SRGAP1: variants seen among roughly 807,000 people sequenced by gnomAD.
SRGAP1 encodes the protein SLIT-ROBO Rho GTPase-activating protein 1.
A neutral mutation model predicts 121.9 loss-of-function variants in SRGAP1; 43 were observed. The ratio of observed to expected loss-of-function variants is 0.35; its 90% CI spans 0.28 to 0.46. The LOEUF (loss-of-function observed/expected upper bound fraction) is 0.46. SRGAP1 is among the 20% of genes least tolerant of loss of function. The pLI is 1.00. For missense variants in SRGAP1, 1,102 were observed against 1,350.9 expected, an observed-to-expected ratio of 0.82 and a Z score of 2.89; for synonymous variants, 447 against 485.4, an observed-to-expected ratio of 0.92 and a Z score of 1.04.
rs1436400170 is a variant in SRGAP1, at chr12:64,145,577, A to G, written c.*2905A>G. Reference sequence around the variant, plus strand: ...GAGACTTTTTTTTTTTTTCAATTCCAAATGAAGGGTATGACCTCAGAGTGA... The same window carrying G: ...GAGACTTTTTTTTTTTTTCAATTCCGAATGAAGGGTATGACCTCAGAGTGA... On this transcript the variant is annotated 3_prime_UTR_variant, in exon 22 of 22. Transcript: ENST00000355086. 1.3e-5 allele frequency: 2 copies of G among 151,492 alleles called. No individual in the cohort carries two copies. Among genetic ancestry groups the G allele is most frequent in the African/African-American group, 4.9e-5 (2 of 41,202 alleles). 9.4% of individuals were successfully genotyped at this position (151,492 alleles called of 1,614,324 possible). A position where few individuals can be genotyped will look rare whatever the true frequency, so the allele number is the denominator to read the frequency against.
intron 1 of SRGAP1, among the ~76,000 whole-genome samples, chr12:63,859,671 CTAATA>C (rs1334107751): frequency 3.3e-5 from 5 of 152,072 alleles, no homozygotes; most frequent in African/African-American, 1.2e-4. Context: ...AACGCTATTA[CTAATA>C]TAAGTATTTA....
rs565690960 is a variant in SRGAP1 at position 64,128,197 on chromosome 12, T to C, written c.2877T>C (p.Ala959=). The change falls in exon 21 of 22, where the codon GCT becomes GCC. Residue 959 remains alanine, a synonymous_variant. Transcript: ENST00000355086. Reference sequence around the variant, plus strand: ...AGCCACTGGACCCAGAGACAATTGCTCAGGTACGATGCTTTTAATTACATA... The same window carrying C: ...AGCCACTGGACCCAGAGACAATTGCCCAGGTACGATGCTTTTAATTACATA... ...DHKPLDPETI[A]QDIEETMNTA... 2 of 1,605,596 alleles carry C rather than the reference T, an allele frequency of 1.2e-6. No individual in the cohort carries two copies. Among genetic ancestry groups the C allele is most frequent in the East Asian group, 2.2e-5 (1 of 44,642 alleles).
chr12:63,963,824 T>A (rs569612164), intron 1 of SRGAP1, among the ~76,000 whole-genome samples: 1 of 152,308 alleles, frequency 6.6e-6, no homozygotes, highest in South Asian at 2.1e-4. Flanking sequence ...ATAATAGTAT[T>A]CAGTATTTCA....
intron 1 of SRGAP1, among the ~76,000 whole-genome samples, chr12:63,881,595 G>T (rs571435596): frequency 6.6e-6 from 1 of 152,164 alleles, no homozygotes; most frequent in African/African-American, 2.4e-5. Context: ...GAGGCCTAAG[G>T]TATTGTGCAG....
intron 1 of SRGAP1, among the ~76,000 whole-genome samples, chr12:63,974,078 G>A (rs565998881): frequency 6.6e-6 from 1 of 152,170 alleles, no homozygotes; most frequent in African/African-American, 2.4e-5. Context: ...TTATGGGGAA[G>A]TTAATGAAAC....
intron 3 of SRGAP1, among the ~76,000 whole-genome samples, chr12:64,005,962 C>G (rs1237901461): frequency 6.6e-6 from 1 of 152,100 alleles, no homozygotes; most frequent in East Asian, 1.9e-4. Flanking sequence ...GAGTAAGACA[C>G]AAATCTTCAA....
chr12:63,984,199 C>A, intron 2 of SRGAP1, 57 bp downstream of exon 2: 1 of 999,794 alleles, frequency 1.0e-6, no homozygotes, highest in Non-Finnish European at 1.4e-6. Flanking sequence ...CTGCCTTTGC[C>A]ACCTTTGTGG....
chr12:64,019,409 G>A (rs1283341839), intron 4 of SRGAP1, among the ~76,000 whole-genome samples: 1 of 152,182 alleles, frequency 6.6e-6, no homozygotes, highest in Non-Finnish European at 1.5e-5. Flanking sequence ...ATTGGTTGAG[G>A]AATTAAGGGA....
chr12:63,901,018 A>G (rs1446022939), intron 1 of SRGAP1, among the ~76,000 whole-genome samples: 2 of 151,418 alleles, frequency 1.3e-5, no homozygotes, highest in African/African-American at 4.9e-5. Flanking sequence ...AATGAGAGAC[A>G]GTTCTGACCT....
At chr12:63,913,810 G>A (rs2030660153) in intron 1 of SRGAP1, among the ~76,000 whole-genome samples, 1 of 151,786 alleles carries the variant, frequency 6.6e-6, no homozygotes, top group Non-Finnish European at 1.5e-5. Context: ...GTAATTTTAT[G>A]ACTCTGGAAT....
intron 1 of SRGAP1, 121 bp downstream of exon 1, chr12:63,845,004 C>G (rs1898851005): frequency 8.3e-6 from 8 of 958,526 alleles, no homozygotes; most frequent in Non-Finnish European, 1.3e-5. Context: ...AGCTCGAGCC[C>G]TGTCTGAGCC....
intron 1 of SRGAP1, among the ~76,000 whole-genome samples, chr12:63,914,456 T>C (rs1014165021): frequency 6.6e-6 from 1 of 152,260 alleles, no homozygotes; most frequent in Non-Finnish European, 1.5e-5. Flanking sequence ...AATTAATTTC[T>C]GATGTCTCCC....
At chr12:64,106,283 A>T (rs994311570) in intron 15 of SRGAP1, among the ~76,000 whole-genome samples, 2 of 152,204 alleles carry the variant, frequency 1.3e-5, no homozygotes, top group African/African-American at 4.8e-5. Flanking sequence ...TCGCTTTTGA[A>T]GAGTTTTTTC....
chr12:63,997,694 G>A (rs1004623095), intron 3 of SRGAP1, among the ~76,000 whole-genome samples: 33 of 152,046 alleles, frequency 2.2e-4, no homozygotes, highest in African/African-American at 8.0e-4. Flanking sequence ...ACCAGTGTTT[G>A]TTTGCTGTAA....
intron 1 of SRGAP1, among the ~76,000 whole-genome samples, chr12:63,948,935 A>ATTTTCCATATATATATATTCCATATATG (rs2032157184): frequency 2.5e-5 from 2 of 81,542 alleles, no homozygotes; most frequent in Non-Finnish European, 5.1e-5. Context: ...TTCCATATAT[A>ATTTTCCATATATATATATTCCATATATG]TATTTTCCAT....
At chr12:63,945,883 G>A (rs981927908) in intron 1 of SRGAP1, among the ~76,000 whole-genome samples, 11 of 152,176 alleles carry the variant, frequency 7.2e-5, no homozygotes, top group African/African-American at 2.7e-4. Context: ...CAGTCTCAGA[G>A]CAGTGATCTG....
At chr12:63,997,375 T>C (rs530065228) in intron 3 of SRGAP1, among the ~76,000 whole-genome samples, 1 of 152,206 alleles carries the variant, frequency 6.6e-6, no homozygotes, top group South Asian at 2.1e-4. Flanking sequence ...CACACAATGA[T>C]GAAATTGCCT....
intron 21 of SRGAP1, 23 bp from the exon 22 acceptor site, chr12:64,142,272 T>G: frequency 1.2e-6 from 2 of 1,604,552 alleles, no homozygotes; most frequent in Non-Finnish European, 1.7e-6. Flanking sequence ...GTGCTTTCTC[T>G]CTTTCCGATT....
At chr12:63,988,949 T>G (rs1266876828) in intron 2 of SRGAP1, among the ~76,000 whole-genome samples, 1 of 152,160 alleles carries the variant, frequency 6.6e-6, no homozygotes, top group African/African-American at 2.4e-5. Context: ...TAGCTGGGAT[T>G]ACACGTGCCC....
Sources: allele counts gnomAD v4.1 joint callset (sites outside exome capture counted in the v4.1 genomes callset), GRCh38; gene constraint gnomAD v4.1.1; transcripts MANE v1.5; gene names NCBI Gene and HGNC (gene_info 2026-07-23, HGNC 2026-07-21).